DNAI2: variants seen among roughly 807,000 people sequenced by gnomAD.
The protein encoded by DNAI2 is dynein axonemal intermediate chain 2, also known as dynein, axonemal, intermediate polypeptide 2.
In DNAI2, 63 loss-of-function variants were observed where a neutral mutation model predicts 74.7. That is an observed-to-expected ratio of 0.84 (90% CI 0.69 to 1.04). The LOEUF is 1.04. Ranked by LOEUF, DNAI2 falls within the 50% of genes least tolerant of loss-of-function variation. The pLI, the probability that DNAI2 is intolerant of heterozygous loss-of-function variation, is 0.00. For synonymous variants in DNAI2, 289 were observed against 314.9 expected (o/e 0.92, Z 0.87); for missense variants, 688 against 803.2 (o/e 0.86, Z 1.73).
chr17:74,307,703 T>A (rs12941546), intron 9 of DNAI2, among the ~76,000 whole-genome samples: 5,292 of 142,108 alleles, frequency 0.037, 110 homozygotes, highest in Middle Eastern at 0.062. Flanking sequence ...ATCTGAATTT[T>A]AAAAAAAAAA....
Position 74,285,325 on chromosome 17 carries a change from G to A in DNAI2, c.345+124G>A, listed in dbSNP as rs189969398. On this transcript the variant is annotated intron_variant, in intron 3 of 13. Transcript: ENST00000311014. ...CTCGTGTGAATGCTGGGGGGAAGGG[G>A]ACCAGCTGCTACCTCAAGGAGCCTT... 4,626 of 1,243,900 alleles carry A rather than the reference G, an allele frequency of 3.7e-3. 15 individuals are homozygous for A. The highest frequency in any genetic ancestry group is 4.4e-3 in the Non-Finnish European group (3,860 of 876,208). 77.1% of individuals were successfully genotyped at this position (1,243,900 alleles called of 1,614,324 possible). A position where few individuals can be genotyped will look rare whatever the true frequency, so the allele number is the denominator to read the frequency against.
chr17:74,283,125 C>T (rs770302178), intron 2 of DNAI2, among the ~76,000 whole-genome samples: 14 of 152,290 alleles, frequency 9.2e-5, no homozygotes, highest in Non-Finnish European at 1.6e-4. Context: ...TGAGAGCTGG[C>T]TTAAAAATGG....
chr17:74,280,359 C>A (rs1427947412), intron 1 of DNAI2, among the ~76,000 whole-genome samples: 4 of 152,200 alleles, frequency 2.6e-5, no homozygotes, highest in African/African-American at 9.6e-5. Flanking sequence ...GCCTAGGTCA[C>A]GCAGCTGGTG....
At chr17:74,289,832 C>T (rs529899054) in intron 5 of DNAI2, 96 bp downstream of exon 5, 2 of 1,535,188 alleles carry the variant, frequency 1.3e-6, no homozygotes, top group South Asian at 1.1e-5. Context: ...GTCAAGGACA[C>T]TCACGCGGTT....
intron 9 of DNAI2, 63 bp from the exon 10 acceptor site, chr17:74,309,190 T>G (rs2144104367): frequency 6.3e-7 from 1 of 1,598,954 alleles, no homozygotes; most frequent in East Asian, 2.2e-5. Flanking sequence ...AGGGACCAAG[T>G]GAGCCAAGCT....
intron 1 of DNAI2, among the ~76,000 whole-genome samples, chr17:74,275,583 C>T (rs1179070184): frequency 2.6e-5 from 4 of 152,194 alleles, no homozygotes; most frequent in Admixed American, 6.5e-5. Context: ...AAATTCTGGC[C>T]GGGTGCAGTG....
Position 74,285,265 on chromosome 17 carries a change from C to G in DNAI2, c.345+64C>G, listed in dbSNP as rs2051646799. 1.7e-5 allele frequency: 27 copies of G among 1,579,980 alleles called. 1 individual carries two copies. The South Asian group carries it at 2.6e-4, about 15-fold the overall frequency. On this transcript the variant is annotated intron_variant, in intron 3 of 13. Coordinates refer to ENST00000311014, the MANE Select transcript of DNAI2 (RefSeq NM_023036.6). ...CATCACTGCAGCTCCCCAAGGGATG[C>G]ACTGCCCCAGCTGTGCCTGGCCATC... is the stretch of plus-strand genomic sequence containing the variant.
At chr17:74,276,469 C>G (rs1159269036) in intron 1 of DNAI2, among the ~76,000 whole-genome samples, 2 of 152,182 alleles carry the variant, frequency 1.3e-5, no homozygotes, top group Non-Finnish European at 2.9e-5. Flanking sequence ...TCAGGCCTTG[C>G]TTGGGGAAGC....
chr17:74,284,950 G>A (rs539881209), intron 2 of DNAI2, 90 bp from the exon 3 acceptor site: 5 of 1,569,568 alleles, frequency 3.2e-6, no homozygotes, highest in Admixed American at 3.3e-5. Context: ...TCCAGCCCTG[G>A]GAGCCCCCGT....
At position 74,282,073 on chromosome 17, in the gene DNAI2, G is replaced by A. The variant is rs1487920161; in HGVS notation, c.183+73G>A. The A allele has an allele frequency of 1.8e-5, 28 of 1,560,348 alleles. No individual in the cohort carries two copies. The South Asian group carries it at 2.9e-4, about 16-fold the overall frequency. ...GGGCGGCCAGCTGGGGCCGGTGAGT[G>A]GTTCTGTGGGTCCTTGTCCACCTGA... On this transcript the variant is annotated intron_variant, in intron 2 of 13. Transcript: ENST00000311014.
Position 74,291,078 on chromosome 17 carries a change from G to T in DNAI2, c.669G>T (p.Glu223Asp), listed in dbSNP as rs1211030253. The change falls in exon 6 of 14, where the codon GAG becomes GAT. Residue 223 changes from glutamate to aspartate, a missense_variant. Transcript: ENST00000311014. Reference sequence around the variant, plus strand: ...CATCGTCTCCACTCGTGACGTTGGAGTTCAACCCCAAAGATTCCCACGTAC... The same window carrying T: ...CATCGTCTCCACTCGTGACGTTGGATTTCAACCCCAAAGATTCCCACGTAC... The part of the protein sequence containing the change: ...LKPSSPLVTL[E>D]FNPKDSHVLL... The T allele has an allele frequency of 6.2e-7, 1 of 1,614,108 alleles. No individual in the cohort carries two copies. The highest frequency in any genetic ancestry group is 1.3e-5 in the African/African-American group (1 of 74,942).
chr17:74,313,869 G>A (rs1446731334), intron 12 of DNAI2: 5 of 513,436 alleles, frequency 9.7e-6, no homozygotes, highest in South Asian at 6.0e-5. Flanking sequence ...GAGCTAGCCC[G>A]AGGCCTCCCA....
rs1490093121 is a variant in DNAI2 at position 74,287,096 on chromosome 17, C to A, written c.465C>A (p.Phe155Leu). The A allele has an allele frequency of 4.3e-6, 7 of 1,613,760 alleles. No homozygotes were observed. Among genetic ancestry groups the A allele is most frequent in the Middle Eastern group, 3.3e-4 (2 of 6,056 alleles). ...EDPSAKTINV[F>L]RDPQEIKRAA... ...CTTCAGCTAAAACCATCAATGTGTT[C>A]AGGTAGCGCCATAGCCAGGCAGGTG... The change falls in exon 4 of 14, where the codon TTC (phenylalanine) becomes TTA (leucine). Residue 155 changes from phenylalanine to leucine, a missense_variant and splice_region_variant. Phe to Leu is a conservative substitution (Grantham distance 22). Coordinates refer to ENST00000311014, the MANE Select transcript of DNAI2 (RefSeq NM_023036.6).
chr17:74,288,628 G>T (rs1264604932), intron 4 of DNAI2, among the ~76,000 whole-genome samples: 2 of 152,126 alleles, frequency 1.3e-5, no homozygotes, highest in Admixed American at 6.6e-5. Flanking sequence ...CCATCCCAGA[G>T]CACCTTTGTA....
At chr17:74,301,289 C>T in intron 8 of DNAI2, 121 bp downstream of exon 8, 1 of 1,423,522 alleles carries the variant, frequency 7.0e-7, no homozygotes. Flanking sequence ...GGAGGCCACC[C>T]TCACTGCAGC....
At chr17:74,310,753 G>T (rs2053478149) in intron 11 of DNAI2, among the ~76,000 whole-genome samples, 1 of 152,136 alleles carries the variant, frequency 6.6e-6, no homozygotes, top group African/African-American at 2.4e-5. Flanking sequence ...TGGCCAGGCT[G>T]GTCTTGAACT....
intron 8 of DNAI2, among the ~76,000 whole-genome samples, chr17:74,304,186 C>CTTTTTTTTTTTTT (rs56696514): frequency 7.1e-3 from 482 of 67,624 alleles, no homozygotes; most frequent in Middle Eastern, 0.017. Flanking sequence ...TTTCTTTTTT[C>CTTTTTTTTTTTTT]TTTTTTTTTT....
In DNAI2 at chr17:74,308,931, C is replaced by T. The variant is rs557978996; in HGVS notation, c.1212-322C>T. ...ATAAAATATTAGCTGGGTGTGGTGA[C>T]GGGCGCCAGTAATCCCAGTTACTCG... On this transcript the variant is annotated intron_variant, in intron 9 of 13. Coordinates refer to ENST00000311014, the MANE Select transcript of DNAI2 (RefSeq NM_023036.6). Among the ~76,000 whole-genome samples the T allele has an allele frequency of 8.0e-4, 121 of 151,858 alleles. 1 individual carries two copies. The highest frequency in any genetic ancestry group is 6.8e-3 in the Middle Eastern group (2 of 294).
Position 74,300,833 on chromosome 17 carries a change from T to G in DNAI2, c.865-213T>G, listed in dbSNP as rs753169829. ...GCGAGGCCTCAGCATCTGGGTTGTA[T>G]GAAGCTTGCCGGCGACTCTGATGAT... is the stretch of plus-strand genomic sequence containing the variant. On this transcript the variant is annotated intron_variant, in intron 7 of 13. Coordinates refer to ENST00000311014, the MANE Select transcript of DNAI2 (RefSeq NM_023036.6). This position sits in a 1 kb window ranked among gnomAD's most constrained non-coding sequence, Gnocchi z 4.5. Among the ~76,000 whole-genome samples the G allele has an allele frequency of 6.6e-6, 1 of 152,228 alleles. No individual in the cohort carries two copies. Among genetic ancestry groups the G allele is most frequent in the African/African-American group, 2.4e-5 (1 of 41,456 alleles).
Sources: gnomAD v4.1 joint callset for allele counts (sites outside exome capture counted in the v4.1 genomes callset) on GRCh38, gnomAD v4.1.1 for gene constraint, Gnocchi (gnomAD v3.1) non-coding constraint, MANE v1.5 for transcripts, NCBI Gene and HGNC (gene_info 2026-07-23, HGNC 2026-07-21) for gene names.